Variants in NR5A2 observed in about 807,000 individuals in gnomAD.
NR5A2 encodes the protein nuclear receptor subfamily 5 group A member 2.
In NR5A2, 26 loss-of-function variants were observed where a neutral mutation model predicts 62.7. That is an observed-to-expected ratio of 0.41 (90% CI 0.30 to 0.58). The LOEUF (loss-of-function observed/expected upper bound fraction) is 0.58. Ranked by LOEUF, NR5A2 falls within the 20% of genes least tolerant of loss-of-function variation. NR5A2 has a pLI of 0.22. For missense variants in NR5A2, 541 were observed against 669.1 expected (o/e 0.81, Z 2.11); for synonymous variants, 246 against 241.7 (o/e 1.02, Z -0.16).
chr1:200,177,275 T>A lies in NR5A2; in HGVS notation c.*3065T>A, dbSNP rs1056426. ...TTGAATCCATGCAATGTTTAGAGTG[T>A]GAAGTCAGTTACTTGTTGATGTTTT... On this transcript the variant is annotated 3_prime_UTR_variant, in exon 8 of 8. Coordinates refer to ENST00000367362, the MANE Select transcript of NR5A2 (RefSeq NM_205860.3). 2 of 152,624 alleles carry A rather than the reference T, an allele frequency of 1.3e-5. No individual in the cohort carries two copies. The highest frequency in any genetic ancestry group is 2.4e-5 in the African/African-American group (1 of 41,450). 9.5% of individuals were successfully genotyped at this position (152,624 alleles called of 1,614,324 possible).
intron 5 of NR5A2, among the ~76,000 whole-genome samples, chr1:200,090,046 T>C (rs191424310): frequency 6.1e-4 from 93 of 152,238 alleles, no homozygotes; most frequent in Non-Finnish European, 1.2e-3. Flanking sequence ...TCTGGCAAAA[T>C]CTGGGATGGG....
At chr1:200,082,182 G>A (rs567499770) in intron 5 of NR5A2, among the ~76,000 whole-genome samples, 6 of 152,278 alleles carry the variant, frequency 3.9e-5, no homozygotes, top group Admixed American at 6.5e-5. Context: ...CCAAAAGCTT[G>A]TTTGTAAGAG....
chr1:200,033,934 C>G (rs1298489374), intron 1 of NR5A2, among the ~76,000 whole-genome samples: 1 of 152,174 alleles, frequency 6.6e-6, no homozygotes, highest in Non-Finnish European at 1.5e-5. Flanking sequence ...ACTCTTTGAC[C>G]TTAAGAATCA....
chr1:200,147,706 T>C lies in NR5A2; in HGVS notation c.1379-26257T>C, dbSNP rs1667772949. On this transcript the variant is annotated intron_variant, in intron 7 of 7. Transcript: ENST00000367362. The surrounding 1 kb of genome is among the most constrained non-coding windows in gnomAD (Gnocchi z 4.9). ...GGACTTGGGCTCCGAGGCGATCTCCTCCAGCTCCTCCCTGAGCGCCTCTCC... is the reference window on the plus strand; with the variant it reads ...GGACTTGGGCTCCGAGGCGATCTCCCCCAGCTCCTCCCTGAGCGCCTCTCC... 1.5e-6 allele frequency: 1 copy of C among 660,430 alleles called. No individual in the cohort carries two copies. 40.9% of individuals were successfully genotyped at this position (660,430 alleles called of 1,614,324 possible).
chr1:200,116,233 C>T (rs1420499916), intron 6 of NR5A2, among the ~76,000 whole-genome samples: 1 of 152,130 alleles, frequency 6.6e-6, no homozygotes, highest in Non-Finnish European at 1.5e-5. Flanking sequence ...TTTATAGTGA[C>T]CCTTTGGACA....
intron 7 of NR5A2, among the ~76,000 whole-genome samples, chr1:200,154,189 C>A (rs1317684889): frequency 1.3e-5 from 2 of 152,134 alleles, no homozygotes; most frequent in African/African-American, 4.8e-5. Context: ...AATATATGTA[C>A]CTTTCAGGGT....
chr1:200,116,074 T>C (rs1437227979), intron 6 of NR5A2, among the ~76,000 whole-genome samples: 2 of 152,042 alleles, frequency 1.3e-5, no homozygotes, highest in East Asian at 1.9e-4. Flanking sequence ...CAAATGAAAA[T>C]GTTTATACTG....
At chr1:200,056,155 G>A (rs1476531149) in intron 5 of NR5A2, among the ~76,000 whole-genome samples, 4 of 152,140 alleles carry the variant, frequency 2.6e-5, no homozygotes, top group Non-Finnish European at 5.9e-5. Context: ...TGTGTCTATT[G>A]TAGACTCAGA....
intron 6 of NR5A2, among the ~76,000 whole-genome samples, chr1:200,114,299 C>T (rs1666115088): frequency 8.4e-6 from 1 of 118,730 alleles, no homozygotes; most frequent in Non-Finnish European, 1.8e-5. Context: ...TATATACACA[C>T]ACATATATAT....
chr1:200,052,850 C>T (rs562117671), intron 5 of NR5A2, among the ~76,000 whole-genome samples: 115 of 152,204 alleles, frequency 7.6e-4, no homozygotes, highest in African/African-American at 2.3e-3. Context: ...CCGTGTTAGC[C>T]AGGATGGTCT....
chr1:200,168,047 A>AAATGAATGAATG (rs527761743), intron 7 of NR5A2, among the ~76,000 whole-genome samples: 1 of 152,132 alleles, frequency 6.6e-6, no homozygotes, highest in African/African-American at 2.4e-5. Flanking sequence ...CTGAATGAAT[A>AAATGAATGAATG]AATGAATGAA....
At chr1:200,064,694 G>A (rs1663390270) in intron 5 of NR5A2, among the ~76,000 whole-genome samples, 1 of 152,114 alleles carries the variant, frequency 6.6e-6, no homozygotes, top group Non-Finnish European at 1.5e-5. Flanking sequence ...TCATGATTTC[G>A]GTCCTGGTAT....
intron 5 of NR5A2, among the ~76,000 whole-genome samples, chr1:200,053,045 TG>T (rs1662730543): frequency 1.3e-5 from 2 of 152,302 alleles, no homozygotes; most frequent in African/African-American, 4.8e-5. Context: ...CCAGGAAATT[TG>T]GTAGGTTGTT....
chr1:200,048,265 T>G lies in NR5A2; in HGVS notation c.557T>G (p.Ile186Ser). 1 of 1,613,536 alleles carries G rather than the reference T, an allele frequency of 6.2e-7. No individual in the cohort carries two copies. Among genetic ancestry groups the G allele is most frequent in the Admixed American group, 1.7e-5 (1 of 59,968 alleles). The change falls in exon 5 of 8, where the codon ATC (isoleucine) becomes AGC (serine). Residue 186 changes from isoleucine (I) to serine (S), a missense_variant. Transcript: ENST00000367362. This position sits in a 1 kb window ranked among gnomAD's most constrained non-coding sequence, Gnocchi z 4.8. ...CTGAAGCAACAGAAAAAAGCCCTCA[T>G]CCGAGCCAATGGACTTAAGCTAGAA... Reference protein sequence around the residue: ...RALKQQKKALIRANGLKLEAM... With the variant: ...RALKQQKKALSRANGLKLEAM...
intron 7 of NR5A2, among the ~76,000 whole-genome samples, chr1:200,136,119 T>TTCC (rs1225035283): frequency 6.6e-6 from 1 of 152,182 alleles, no homozygotes; most frequent in African/African-American, 2.4e-5. Context: ...ATTAGGCCTC[T>TTCC]TCCTAGGTTG....
rs568962345 is a variant in NR5A2 at position 200,030,650 on chromosome 1, T to C, written c.64+2739T>C. On this transcript the variant is annotated intron_variant, in intron 1 of 7. Transcript: ENST00000367362. Reference sequence around the variant, plus strand: ...CAAGAAAAGAGCCATATCTGTGTGGTAGGAAATGTTATACATAAAACAAAT... The same window carrying C: ...CAAGAAAAGAGCCATATCTGTGTGGCAGGAAATGTTATACATAAAACAAAT... Among the ~76,000 whole-genome samples the C allele has an allele frequency of 1.8e-3, 269 of 152,322 alleles. 3 individuals are homozygous for C. The highest frequency in any genetic ancestry group is 5.8e-3 in the African/African-American group (242 of 41,576).
At chr1:200,093,863 T>A (rs556279759) in intron 5 of NR5A2, among the ~76,000 whole-genome samples, 38 of 152,272 alleles carry the variant, frequency 2.5e-4, no homozygotes, top group Non-Finnish European at 3.7e-4. Context: ...TCTAAATTTT[T>A]AAAAATTTCT....
chr1:200,114,250 A>G (rs930139147), intron 6 of NR5A2, among the ~76,000 whole-genome samples: 3 of 152,016 alleles, frequency 2.0e-5, no homozygotes, highest in Non-Finnish European at 4.4e-5. Context: ...ACACACATAC[A>G]CACAAATATA....
At chr1:200,140,075 A>T (rs2816952) in intron 7 of NR5A2, among the ~76,000 whole-genome samples, 82,903 of 152,028 alleles carry the variant, frequency 0.55, 23,684 homozygotes, top group Middle Eastern at 0.67. Flanking sequence ...TATTACTGAA[A>T]CTTTCTTTTG....
Sources: gnomAD v4.1 joint callset for allele counts (sites outside exome capture counted in the v4.1 genomes callset) on GRCh38, gnomAD v4.1.1 for gene constraint, Gnocchi (gnomAD v3.1) non-coding constraint, MANE v1.5 for transcripts, NCBI Gene and HGNC (gene_info 2026-07-23, HGNC 2026-07-21) for gene names.